CFAP54: variants seen among roughly 807,000 people sequenced by gnomAD.
The protein encoded by CFAP54 is cilia- and flagella-associated protein 54.
CFAP54 carries 290 observed loss-of-function variants against 370.4 expected under a neutral mutation model. The ratio of observed to expected loss-of-function variants is 0.78; its 90% CI spans 0.71 to 0.86. The LOEUF is 0.86. CFAP54 is among the 40% of genes least tolerant of loss of function. The pLI, the probability that CFAP54 is intolerant of heterozygous loss-of-function variation, is 0.00. For missense variants in CFAP54, 3,399 were observed against 3,528.7 expected (o/e 0.96, Z 0.93); for synonymous variants, 1,206 against 1,236.5 (o/e 0.98, Z 0.52).
intron 42 of CFAP54, among the ~76,000 whole-genome samples, chr12:96,685,777 C>A (rs966807965): frequency 1.3e-5 from 2 of 152,150 alleles, no homozygotes; most frequent in Non-Finnish European, 1.5e-5. Context: ...GTCTGGAACT[C>A]CTGACTTCTG....
At chr12:96,834,623 A>G (rs1959180439) in intron 66 of CFAP54, among the ~76,000 whole-genome samples, 1 of 152,242 alleles carries the variant, frequency 6.6e-6, no homozygotes, top group African/African-American at 2.4e-5. Context: ...AGTGGTGCCC[A>G]GAAGCCTGGA....
In CFAP54 at chr12:96,534,045, G is replaced by A; in HGVS notation, c.1540-17G>A. On this transcript the variant is annotated splice_polypyrimidine_tract_variant and intron_variant, in intron 10 of 67. Transcript: ENST00000524981. ...ACATCCAATTACTAATTAACGTGTG[G>A]GATATACTTCCCCAAGAGGCAGGAT... 1.3e-6 allele frequency: 2 copies of A among 1,511,678 alleles called. No homozygotes were observed. Among genetic ancestry groups the A allele is most frequent in the Non-Finnish European group, 1.8e-6 (2 of 1,137,094 alleles). 93.6% of individuals were successfully genotyped at this position (1,511,678 alleles called of 1,614,324 possible). A position where few individuals can be genotyped will look rare whatever the true frequency, so the allele number is the denominator to read the frequency against.
intron 50 of CFAP54, among the ~76,000 whole-genome samples, chr12:96,737,744 T>C (rs1957997227): frequency 6.6e-6 from 1 of 152,124 alleles, no homozygotes; most frequent in Non-Finnish European, 1.5e-5. Context: ...CGCCTCGGCC[T>C]CCCAAAGTGC....
intron 50 of CFAP54, among the ~76,000 whole-genome samples, chr12:96,736,211 C>A (rs755814303): frequency 4.9e-4 from 74 of 152,260 alleles, no homozygotes; most frequent in Non-Finnish European, 8.1e-4. Context: ...GGAATCACCT[C>A]GTTCCATCTT....
intron 49 of CFAP54, 126 bp from the exon 50 acceptor site, chr12:96,720,279 C>T (rs1362814711): frequency 1.2e-6 from 1 of 807,808 alleles, no homozygotes. Context: ...TAATTAGATA[C>T]CAAGTTCCTT....
chr12:96,742,851 G>A (rs1197713316), intron 52 of CFAP54, among the ~76,000 whole-genome samples: 1 of 152,052 alleles, frequency 6.6e-6, no homozygotes, highest in Non-Finnish European at 1.5e-5. Context: ...TTGTCATCTG[G>A]GAAGGCAACT....
At chr12:96,492,143 A>G (rs1239110593) in intron 1 of CFAP54, among the ~76,000 whole-genome samples, 2 of 152,064 alleles carry the variant, frequency 1.3e-5, no homozygotes, top group African/African-American at 2.4e-5. Flanking sequence ...AACCACCACC[A>G]TTTCACATTT....
chr12:96,727,124 G>A lies in CFAP54; in HGVS notation c.6965+6559G>A, dbSNP rs1306377191. On this transcript the variant is annotated intron_variant, in intron 50 of 67. Transcript: ENST00000524981. ...TGTGGTCAATTTTGGAATAGGTGTG[G>A]TGTGGTGCTGAAAAAAATGTATATT... is the stretch of plus-strand genomic sequence containing the variant. Among the ~76,000 whole-genome samples, 7 of 151,984 alleles carry A rather than the reference G, an allele frequency of 4.6e-5. No homozygotes were observed. In the East Asian group the frequency reaches 1.4e-3, roughly 30 times the overall value.
chr12:96,870,669 G>T (rs543585942), intron 67 of CFAP54, among the ~76,000 whole-genome samples: 88 of 152,064 alleles, frequency 5.8e-4, no homozygotes, highest in Non-Finnish European at 1.0e-3. Flanking sequence ...GTTATTTATT[G>T]TTTTGTTTTG....
At chr12:96,772,760 C>T (rs893029636) in intron 60 of CFAP54, among the ~76,000 whole-genome samples, 17 of 152,276 alleles carry the variant, frequency 1.1e-4, no homozygotes, top group Admixed American at 8.5e-4. Context: ...GCTGGGATTA[C>T]AGGCACCCAC....
chr12:96,592,659 A>C (rs1956138414), intron 24 of CFAP54, 22 bp downstream of exon 24: 2 of 830,598 alleles, frequency 2.4e-6, no homozygotes, highest in African/African-American at 1.8e-5. Flanking sequence ...AAAGTGACTA[A>C]AAACATGTCA....
At chr12:96,765,624 G>A (rs1958395503) in intron 60 of CFAP54, among the ~76,000 whole-genome samples, 1 of 152,102 alleles carries the variant, frequency 6.6e-6, no homozygotes, top group East Asian at 1.9e-4. Flanking sequence ...GTTTGATTAT[G>A]TGTTTAAGCT....
chr12:96,609,552 G>A (rs1956333493), intron 26 of CFAP54, among the ~76,000 whole-genome samples: 1 of 152,022 alleles, frequency 6.6e-6, no homozygotes, highest in Admixed American at 6.6e-5. Context: ...ACTCCTAACA[G>A]TGAGATTCAG....
intron 14 of CFAP54, among the ~76,000 whole-genome samples, chr12:96,546,564 C>T (rs905906703): frequency 1.3e-5 from 2 of 152,156 alleles, no homozygotes; most frequent in Admixed American, 6.5e-5. Flanking sequence ...TGCAGTGGCT[C>T]ATGCCTGTAA....
intron 5 of CFAP54, among the ~76,000 whole-genome samples, chr12:96,518,415 A>G (rs1955264285): frequency 6.6e-6 from 1 of 152,234 alleles, no homozygotes; most frequent in Non-Finnish European, 1.5e-5. Flanking sequence ...GGCCGGGTGC[A>G]GTGGCTCATG....
intron 38 of CFAP54, among the ~76,000 whole-genome samples, chr12:96,659,025 C>G (rs1465787322): frequency 6.6e-6 from 1 of 151,562 alleles, no homozygotes; most frequent in African/African-American, 2.4e-5. Context: ...AGCTGAGTGT[C>G]TTTCTTTTTT....
intron 19 of CFAP54, among the ~76,000 whole-genome samples, chr12:96,571,702 A>G (rs772023223): frequency 9.9e-5 from 15 of 152,110 alleles, no homozygotes; most frequent in Non-Finnish European, 1.3e-4. Flanking sequence ...TATTGGTTTC[A>G]TGGGAATTTT....
At position 96,685,034 on chromosome 12, in the gene CFAP54, C is replaced by G; in HGVS notation, c.5810C>G (p.Ala1937Gly). ...ATGCTTTGTCTCTGTTTTAGGGCTG[C>G]TTTTAAGTGTTGGTGTCAAGCTCTT... ...LLIFAEKKRAAFKCWCQALDD... is the reference protein window; with the variant it reads ...LLIFAEKKRAGFKCWCQALDD... Residue 1937 changes from alanine to glycine, a missense_variant, in exon 42 of 68, where the codon GCT becomes GGT. By Grantham distance (60) the Ala-to-Gly change is moderately conservative. Coordinates refer to ENST00000524981, the MANE Select transcript of CFAP54 (RefSeq NM_001306084.2). The G allele has an allele frequency of 6.2e-7, 1 of 1,613,814 alleles. No individual in the cohort carries two copies. The highest frequency in any genetic ancestry group is 1.1e-5 in the South Asian group (1 of 90,994).
intron 48 of CFAP54, among the ~76,000 whole-genome samples, chr12:96,709,740 G>A (rs1269658908): frequency 7.4e-5 from 6 of 81,450 alleles, no homozygotes; most frequent in Non-Finnish European, 1.3e-4. Context: ...TATTGTTTTC[G>A]AGATGGAGTC....
Sources: gnomAD v4.1 joint callset for allele counts (sites outside exome capture counted in the v4.1 genomes callset) on GRCh38, gnomAD v4.1.1 for gene constraint, MANE v1.5 for transcripts, NCBI Gene and HGNC (gene_info 2026-07-23, HGNC 2026-07-21) for gene names.